The following ARL6IP6 variants were observed in gnomAD, a reference collection of about 807,000 sequenced individuals.
ARL6IP6 encodes ADP-ribosylation factor-like protein 6-interacting protein 6.
A neutral mutation model predicts 21.5 loss-of-function variants in ARL6IP6; 22 were observed. The ratio of observed to expected loss-of-function variants is 1.02; its 90% CI spans 0.73 to 1.46. The LOEUF is 1.46. ARL6IP6 is among the 40% of genes most tolerant of loss of function. The pLI is 0.00. For synonymous variants in ARL6IP6, 164 were observed against 125.3 expected (o/e 1.31, Z -2.06); for missense variants, 388 against 299.8 (o/e 1.29, Z -2.17).
intron 3 of ARL6IP6, among the ~76,000 whole-genome samples, chr2:152,747,547 C>G (rs969657662): frequency 6.6e-6 from 1 of 151,992 alleles, no homozygotes; most frequent in Non-Finnish European, 1.5e-5. Flanking sequence ...GCAGTACTGA[C>G]TCCTTACTCA....
intron 3 of ARL6IP6, among the ~76,000 whole-genome samples, chr2:152,749,331 A>ACACG (rs1701209412): frequency 1.3e-5 from 2 of 151,450 alleles, no homozygotes. Flanking sequence ...ACACACACAC[A>ACACG]CACACGCACG....
In ARL6IP6 at chr2:152,759,855, G is replaced by A. The variant is rs559707304; in HGVS notation, c.*15G>A. The A allele has an allele frequency of 9.4e-6, 15 of 1,591,698 alleles. No individual in the cohort carries two copies. The highest frequency in any genetic ancestry group is 2.2e-5 in the East Asian group (1 of 44,744). On this transcript the variant is annotated 3_prime_UTR_variant, in exon 4 of 4. Coordinates refer to ENST00000326446, the MANE Select transcript of ARL6IP6 (RefSeq NM_152522.7). ...GCCTCATGTAAACCCACACTGGAGC[G>A]ATATTGTTGGCAAAACTTAATCATG...
chr2:152,717,747 A>G, upstream of ARL6IP6: 7 of 1,307,406 alleles, frequency 5.4e-6, no homozygotes, highest in Non-Finnish European at 6.9e-6. Context: ...TCCCGAGCTT[A>G]GACCGCCTCA....
At chr2:152,746,125 C>T (rs1163471196) in intron 3 of ARL6IP6, among the ~76,000 whole-genome samples, 1 of 150,442 alleles carries the variant, frequency 6.6e-6, no homozygotes, top group African/African-American at 2.4e-5. Flanking sequence ...TGAAGCGATC[C>T]TCCCACCTCA....
chr2:152,751,200 CTTT>C (rs58660367), intron 3 of ARL6IP6, among the ~76,000 whole-genome samples: 8,517 of 151,474 alleles, frequency 0.056, 332 homozygotes, highest in East Asian at 0.13. Flanking sequence ...CCACGTTTGA[CTTT>C]TTTTTTATTT....
At chr2:152,720,705 T>C in intron 2 of ARL6IP6, 119 bp downstream of exon 2, 1 of 911,952 alleles carries the variant, frequency 1.1e-6, no homozygotes, top group Non-Finnish European at 1.7e-6. Flanking sequence ...CATTCAGTCT[T>C]GTTTTTAATT....
chr2:152,733,810 T>TA (rs1700433545), intron 2 of ARL6IP6, among the ~76,000 whole-genome samples: 1 of 152,210 alleles, frequency 6.6e-6, no homozygotes, highest in African/African-American at 2.4e-5. Context: ...TTAATTTACT[T>TA]ACATGTTTTA....
intron 3 of ARL6IP6, among the ~76,000 whole-genome samples, chr2:152,736,846 T>C (rs1180515828): frequency 6.6e-6 from 1 of 152,232 alleles, no homozygotes. Flanking sequence ...TGATTTAAAG[T>C]ATAGGGGAGG....
At chr2:152,729,985 T>C (rs771000527) in intron 2 of ARL6IP6, among the ~76,000 whole-genome samples, 4 of 152,186 alleles carry the variant, frequency 2.6e-5, no homozygotes, top group Non-Finnish European at 4.4e-5. Flanking sequence ...GAGTTACCAT[T>C]TTCTGTGGCT....
intron 3 of ARL6IP6, among the ~76,000 whole-genome samples, chr2:152,757,921 G>A (rs540501309): frequency 2.6e-5 from 4 of 152,250 alleles, no homozygotes; most frequent in African/African-American, 7.2e-5. Context: ...TGTAGTTGTC[G>A]GCTTAGTAAA....
rs562348769 is a variant in ARL6IP6, at chr2:152,753,996, C to T, written c.588-5751C>T. Among the ~76,000 whole-genome samples the T allele has an allele frequency of 7.1e-4, 108 of 152,026 alleles. 1 individual carries two copies. Among genetic ancestry groups the T allele is most frequent in the African/African-American group, 2.2e-3 (90 of 41,486 alleles). ...GATTACAGGCGTGAGCCACCACGCC[C>T]GGTCCAGGTCCTTTTTAATGTCTGA... On this transcript the variant is annotated intron_variant, in intron 3 of 3. Coordinates refer to ENST00000326446, the MANE Select transcript of ARL6IP6 (RefSeq NM_152522.7).
At chr2:152,758,551 G>A (rs1380045377) in intron 3 of ARL6IP6, among the ~76,000 whole-genome samples, 2 of 152,098 alleles carry the variant, frequency 1.3e-5, no homozygotes, top group Non-Finnish European at 2.9e-5. Context: ...ATATAGGTAG[G>A]TAGATTAACC....
chr2:152,718,760 G>T lies in ARL6IP6; in HGVS notation c.136G>T (p.Glu46Ter). 6.2e-7 allele frequency: 1 copy of T among 1,610,216 alleles called. No individual in the cohort carries two copies. The highest frequency in any genetic ancestry group is 8.5e-7 in the Non-Finnish European group (1 of 1,178,222). The change falls in exon 1 of 4, where the codon GAG becomes TAG. Residue 46 changes from glutamate (E) to a stop codon, truncating the protein, a stop_gained. Coordinates refer to ENST00000326446, the MANE Select transcript of ARL6IP6 (RefSeq NM_152522.7). LOFTEE classifies it high-confidence loss of function. Reference sequence around the variant, plus strand: ...GGGTGAAGGCGAAGTCGACGAGGAGGAGGGATGCGACCAAGTGGCCCGCGA... The same window carrying T: ...GGGTGAAGGCGAAGTCGACGAGGAGTAGGGATGCGACCAAGTGGCCCGCGA... ...SWGEGEVDEEEGCDQVARDLR... is the reference protein window; with the variant it reads ...SWGEGEVDEE
Position 152,762,037 on chromosome 2 carries a change from C to G in ARL6IP6, c.*2197C>G, listed in dbSNP as rs1390016276. On this transcript the variant is annotated 3_prime_UTR_variant, in exon 4 of 4. Coordinates refer to ENST00000326446, the MANE Select transcript of ARL6IP6 (RefSeq NM_152522.7). The stretch of plus-strand genomic sequence containing the variant: ...TGACCCTCCTCTCTCCAGTCTGACA[C>G]AGGGTCCAAATATAAATCATCTATA... Among the ~76,000 whole-genome samples the G allele has an allele frequency of 6.6e-6, 1 of 152,144 alleles. No individual in the cohort carries two copies. The highest frequency in any genetic ancestry group is 2.4e-5 in the African/African-American group (1 of 41,428).
At chr2:152,735,247 T>A in intron 3 of ARL6IP6, 121 bp downstream of exon 3, 1 of 1,033,784 alleles carries the variant, frequency 9.7e-7, no homozygotes, top group Non-Finnish European at 1.4e-6. Flanking sequence ...TATAAAGCAC[T>A]AATAACAGGA....
chr2:152,721,898 A>G (rs1408259874), intron 2 of ARL6IP6, among the ~76,000 whole-genome samples: 1 of 152,256 alleles, frequency 6.6e-6, no homozygotes, highest in Non-Finnish European at 1.5e-5. Flanking sequence ...ATGAGAAAAC[A>G]TACTTTTTAG....
chr2:152,724,787 C>G (rs1259406418), intron 2 of ARL6IP6, among the ~76,000 whole-genome samples: 3 of 152,050 alleles, frequency 2.0e-5, no homozygotes, highest in African/African-American at 7.2e-5. Context: ...TGAGATGGAG[C>G]CCAAGAATTT....
chr2:152,734,186 C>G (rs1359501390), intron 2 of ARL6IP6, among the ~76,000 whole-genome samples: 1 of 152,054 alleles, frequency 6.6e-6, no homozygotes, highest in African/African-American at 2.4e-5. Flanking sequence ...ACCGTTTTTC[C>G]TTAAGTCCAT....
rs781027176 is a variant in ARL6IP6 at position 152,720,577 on chromosome 2, G to A, written c.445G>A (p.Gly149Arg). ...NLKNEDDVDT[G>R]LLGFWTLLII... The stretch of plus-strand genomic sequence containing the variant: ...GAAAAATGAAGATGATGTAGACACT[G>A]GACTATTAGGTATGGACTTAATTGC... The change falls in exon 2 of 4, where the codon GGA (glycine) becomes AGA (arginine). Residue 149 changes from glycine to arginine, a missense_variant. Transcript: ENST00000326446. 2 of 1,613,868 alleles carry A rather than the reference G, an allele frequency of 1.2e-6. No homozygotes were observed. The highest frequency in any genetic ancestry group is 1.7e-6 in the Non-Finnish European group (2 of 1,179,862).
Sources: allele counts gnomAD v4.1 joint callset (sites outside exome capture counted in the v4.1 genomes callset), GRCh38; gene constraint gnomAD v4.1.1; transcripts MANE v1.5; gene names NCBI Gene and HGNC (gene_info 2026-07-23, HGNC 2026-07-21).